The following ADAMTS3 variants were observed in gnomAD, a reference collection of about 807,000 sequenced individuals.
ADAMTS3 encodes A disintegrin and metalloproteinase with thrombospondin motifs 3.
A neutral mutation model predicts 129.0 loss-of-function variants in ADAMTS3; 73 were observed. That is an observed-to-expected ratio of 0.57 (90% CI 0.47 to 0.69). ADAMTS3 has a LOEUF of 0.69. Ranked by LOEUF, ADAMTS3 falls within the 30% of genes least tolerant of loss-of-function variation. The pLI is 0.00. For synonymous variants in ADAMTS3, 477 were observed against 510.8 expected (o/e 0.93, Z 0.89); for missense variants, 1,457 against 1,514.5 (o/e 0.96, Z 0.63).
At chr4:72,373,932 TAATAATAATAATAATAATAGGAAA>T (rs1721077639) in intron 4 of ADAMTS3, among the ~76,000 whole-genome samples, 1 of 117,632 alleles carries the variant, frequency 8.5e-6, no homozygotes, top group South Asian at 3.6e-4. Flanking sequence ...ATAATAATAA[TAATAATAATAATAATAATAGGAAA>T]GTATCTGAGG....
intron 3 of ADAMTS3, among the ~76,000 whole-genome samples, chr4:72,485,989 A>G (rs933960726): frequency 1.3e-5 from 2 of 152,210 alleles, no homozygotes; most frequent in East Asian, 3.8e-4. Flanking sequence ...TGGATTTCCT[A>G]GCATCCAGAA....
intron 4 of ADAMTS3, among the ~76,000 whole-genome samples, chr4:72,341,490 C>T (rs1338255378): frequency 2.0e-5 from 3 of 152,192 alleles, no homozygotes; most frequent in Non-Finnish European, 4.4e-5. Flanking sequence ...AATAGCTTTA[C>T]CATTCAACCT....
intron 4 of ADAMTS3, among the ~76,000 whole-genome samples, chr4:72,396,534 T>C (rs1203190326): frequency 6.6e-6 from 1 of 152,030 alleles, no homozygotes; most frequent in East Asian, 1.9e-4. Flanking sequence ...ACACTGCAGA[T>C]GCAGAAGGGA....
intron 5 of ADAMTS3, among the ~76,000 whole-genome samples, chr4:72,336,550 G>T (rs1719993729): frequency 6.6e-6 from 1 of 152,054 alleles, no homozygotes; most frequent in Non-Finnish European, 1.5e-5. Context: ...CAGTATTTTG[G>T]GTCTAACAGG....
rs1254873018 is a variant in ADAMTS3, at chr4:72,453,915, T to C, written c.505-38944A>G. Among the ~76,000 whole-genome samples the C allele has an allele frequency of 3.4e-5, 5 of 148,786 alleles. No individual in the cohort carries two copies. The South Asian group carries it at 8.3e-4, about 25-fold the overall frequency. ...ATATTATATGTAAAATATATATATA[T>C]ATATGTATACATAGGGAGAAAGTGC... On this transcript the variant is annotated intron_variant, in intron 3 of 21. Coordinates refer to ENST00000286657, the MANE Select transcript of ADAMTS3 (RefSeq NM_014243.3).
chr4:72,523,927 A>C (rs1560550059), intron 3 of ADAMTS3, among the ~76,000 whole-genome samples: 1 of 152,174 alleles, frequency 6.6e-6, no homozygotes, highest in Non-Finnish European at 1.5e-5. Context: ...TGGGGAAAAA[A>C]TAACTAATTT....
chr4:72,441,199 A>G (rs1328407397), intron 3 of ADAMTS3, among the ~76,000 whole-genome samples: 1 of 151,794 alleles, frequency 6.6e-6, no homozygotes, highest in Non-Finnish European at 1.5e-5. Flanking sequence ...TTTATTCAGC[A>G]TAATGCTTTT....
intron 3 of ADAMTS3, among the ~76,000 whole-genome samples, chr4:72,543,645 A>G (rs1276788473): frequency 6.6e-6 from 1 of 152,202 alleles, no homozygotes; most frequent in Non-Finnish European, 1.5e-5. Context: ...GATTCCACTT[A>G]TATGAAGCAT....
At chr4:72,410,344 AG>A (rs1285554465) in intron 4 of ADAMTS3, among the ~76,000 whole-genome samples, 2 of 152,150 alleles carry the variant, frequency 1.3e-5, no homozygotes, top group Non-Finnish European at 2.9e-5. Flanking sequence ...ACGCCTTCAC[AG>A]CACCATGACA....
intron 3 of ADAMTS3, among the ~76,000 whole-genome samples, chr4:72,467,601 A>G (rs1718956932): frequency 6.6e-6 from 1 of 151,842 alleles, no homozygotes; most frequent in South Asian, 2.1e-4. Context: ...GTCCCATGTT[A>G]TTTCTTCTGC....
intron 3 of ADAMTS3, among the ~76,000 whole-genome samples, chr4:72,510,292 G>C (rs1421195861): frequency 6.6e-6 from 1 of 151,110 alleles, no homozygotes; most frequent in Admixed American, 6.6e-5. Flanking sequence ...ACAAGAGAAT[G>C]ATATAAAGGG....
At chr4:72,425,111 G>C (rs1722536544) in intron 3 of ADAMTS3, among the ~76,000 whole-genome samples, 1 of 151,872 alleles carries the variant, frequency 6.6e-6, no homozygotes, top group Non-Finnish European at 1.5e-5. Context: ...GTGAATTATG[G>C]GATTAAATGT....
intron 3 of ADAMTS3, among the ~76,000 whole-genome samples, chr4:72,500,243 G>A (rs1719976628): frequency 6.6e-6 from 1 of 152,166 alleles, no homozygotes; most frequent in Admixed American, 6.5e-5. Context: ...CACTAACAGT[G>A]TATAAGCATT....
chr4:72,317,656 T>C (rs1374056837), intron 10 of ADAMTS3, among the ~76,000 whole-genome samples: 1 of 152,162 alleles, frequency 6.6e-6, no homozygotes, highest in Non-Finnish European at 1.5e-5. Context: ...TCTTATCAGA[T>C]ACATACTATC....
chr4:72,473,360 GA>G (rs35544276), intron 3 of ADAMTS3, among the ~76,000 whole-genome samples: 28 of 150,908 alleles, frequency 1.9e-4, no homozygotes, highest in Non-Finnish European at 2.8e-4. Context: ...ATTTGCAGTG[GA>G]AAAAAAAGTT....
At chr4:72,369,345 T>C (rs1720946818) in intron 4 of ADAMTS3, among the ~76,000 whole-genome samples, 1 of 152,140 alleles carries the variant, frequency 6.6e-6, no homozygotes, top group South Asian at 2.1e-4. Flanking sequence ...GTCAAAACTT[T>C]ATAGGAGACA....
At chr4:72,513,887 A>G (rs1306721021) in intron 3 of ADAMTS3, among the ~76,000 whole-genome samples, 2 of 152,068 alleles carry the variant, frequency 1.3e-5, no homozygotes, top group Non-Finnish European at 2.9e-5. Flanking sequence ...TAGGGTAAAC[A>G]TGTGTATCCA....
At chr4:72,359,192 T>C (rs981205373) in intron 4 of ADAMTS3, among the ~76,000 whole-genome samples, 2 of 151,936 alleles carry the variant, frequency 1.3e-5, no homozygotes, top group African/African-American at 4.8e-5. Context: ...CAAAATTAAT[T>C]TTACAATCAG....
chr4:72,454,829 C>G (rs1462839956), intron 3 of ADAMTS3, among the ~76,000 whole-genome samples: 2 of 151,612 alleles, frequency 1.3e-5, no homozygotes, highest in Admixed American at 1.3e-4. Flanking sequence ...ACAAGTCTTC[C>G]AATCCTTACT....
Sources: gnomAD v4.1 joint callset for allele counts (sites outside exome capture counted in the v4.1 genomes callset) on GRCh38, gnomAD v4.1.1 for gene constraint, MANE v1.5 for transcripts, NCBI Gene and HGNC (gene_info 2026-07-23, HGNC 2026-07-21) for gene names.